CNBD1: variants seen among roughly 807,000 people sequenced by gnomAD.
CNBD1 encodes the protein cyclic nucleotide binding domain containing 1.
Under a neutral mutation model 54.4 loss-of-function variants are expected in CNBD1, and 71 were observed. That is an observed-to-expected ratio of 1.30 (90% CI 1.08 to 1.59). The LOEUF is 1.59. Among genes scored for constraint, CNBD1 ranks in the 40% most tolerant of loss-of-function variants. The probability of loss-of-function intolerance (pLI) is 0.00; values close to 1 mark genes in which losing one functional copy is unlikely to be tolerated. For missense variants in CNBD1, 659 were observed against 518.0 expected, an observed-to-expected ratio of 1.27 and a Z score of -2.64; for synonymous variants, 182 against 170.7, an observed-to-expected ratio of 1.07 and a Z score of -0.51.
intron 6 of CNBD1, among the ~76,000 whole-genome samples, chr8:87,273,489 A>T (rs188885211): frequency 7.9e-5 from 12 of 152,110 alleles, no homozygotes; most frequent in African/African-American, 2.4e-4. Context: ...ACCAATGCAA[A>T]TAGGAGTACT....
chr8:86,911,529 G>A (rs1809099821), intron 3 of CNBD1, among the ~76,000 whole-genome samples: 2 of 152,048 alleles, frequency 1.3e-5, no homozygotes, highest in Admixed American at 1.3e-4. Flanking sequence ...TTTATATTGT[G>A]TATAATAATC....
chr8:87,405,255 G>A (rs1468495569), intron 2 of CNBD1, among the ~76,000 whole-genome samples: 1 of 151,812 alleles, frequency 6.6e-6, no homozygotes, highest in Non-Finnish European at 1.5e-5. Context: ...ATTTCTTAAG[G>A]CCAGTACTTA....
At chr8:87,057,144 G>A (rs1036820742) in intron 4 of CNBD1, among the ~76,000 whole-genome samples, 5 of 152,148 alleles carry the variant, frequency 3.3e-5, no homozygotes, top group East Asian at 1.9e-4. Flanking sequence ...CCATGTATTC[G>A]TTCGTCCTCA....
At chr8:87,101,894 T>C (rs539109587) in intron 4 of CNBD1, among the ~76,000 whole-genome samples, 22 of 151,104 alleles carry the variant, frequency 1.5e-4, no homozygotes, top group Non-Finnish European at 2.7e-4. Context: ...TTTAATTTTT[T>C]TTTTTTTTTT....
chr8:87,110,510 C>T (rs756161716), intron 4 of CNBD1, among the ~76,000 whole-genome samples: 21 of 152,072 alleles, frequency 1.4e-4, no homozygotes, highest in Non-Finnish European at 2.6e-4. Flanking sequence ...ATGGGTGGCA[C>T]GGGTGTAATA....
At chr8:87,284,959 A>G (rs1808664573) in intron 7 of CNBD1, 144 bp downstream of exon 7, 3 of 590,722 alleles carry the variant, frequency 5.1e-6, no homozygotes, top group Admixed American at 6.9e-5. Context: ...TTATTTGACA[A>G]AAATCACTTA....
chr8:86,876,686 A>G (rs1483326602), intron 1 of CNBD1, among the ~76,000 whole-genome samples: 3 of 151,746 alleles, frequency 2.0e-5, no homozygotes, highest in Non-Finnish European at 4.4e-5. Flanking sequence ...TTTTCTTCAG[A>G]GAAATACATA....
At chr8:87,088,573 A>G (rs889391615) in intron 4 of CNBD1, among the ~76,000 whole-genome samples, 1 of 152,174 alleles carries the variant, frequency 6.6e-6, no homozygotes, top group Non-Finnish European at 1.5e-5. Context: ...TAAAATCACA[A>G]TGAAATTGTT....
intron 2 of CNBD1, among the ~76,000 whole-genome samples, chr8:87,412,817 G>T (rs1807770704): frequency 6.6e-6 from 1 of 151,994 alleles, no homozygotes; most frequent in Non-Finnish European, 1.5e-5. Context: ...AGGGAGGTAG[G>T]TTAGGCAGTG....
chr8:87,045,668 T>G (rs1241896668), intron 4 of CNBD1, among the ~76,000 whole-genome samples: 3 of 138,242 alleles, frequency 2.2e-5, no homozygotes, highest in Non-Finnish European at 4.5e-5. Flanking sequence ...GAGCTTGCAG[T>G]GAGCTAAGAT....
At chr8:86,872,450 G>T (rs988817203) in intron 1 of CNBD1, among the ~76,000 whole-genome samples, 1 of 152,142 alleles carries the variant, frequency 6.6e-6, no homozygotes, top group Non-Finnish European at 1.5e-5. Context: ...TATAGAGGCA[G>T]AAGTAGGATT....
intron 6 of CNBD1, among the ~76,000 whole-genome samples, chr8:87,243,358 A>G (rs1469487656): frequency 6.6e-6 from 1 of 152,214 alleles, no homozygotes; most frequent in Non-Finnish European, 1.5e-5. Context: ...TTCTGCATCA[A>G]GTGACTATTG....
At chr8:87,330,231 C>CTTTT (rs3055413) in intron 8 of CNBD1, among the ~76,000 whole-genome samples, 7,515 of 130,642 alleles carry the variant, frequency 0.058, 235 homozygotes, top group Non-Finnish European at 0.065. Flanking sequence ...TTCCTTCTCT[C>CTTTT]TTTTTTTTTT....
chr8:87,033,006 G>A (rs60683893), intron 4 of CNBD1, among the ~76,000 whole-genome samples: 4,564 of 152,198 alleles, frequency 0.03, 236 homozygotes, highest in African/African-American at 0.1. Flanking sequence ...CTCTTTCACA[G>A]TTTCCTTGAT....
intron 2 of CNBD1, among the ~76,000 whole-genome samples, chr8:86,900,878 T>C (rs1336577244): frequency 6.6e-6 from 1 of 152,164 alleles, no homozygotes; most frequent in African/African-American, 2.4e-5. Flanking sequence ...ATCTTTAAAT[T>C]TTCCTTCAGA....
chr8:86,969,793 TAC>T (rs10547170), intron 4 of CNBD1, among the ~76,000 whole-genome samples: 8,713 of 144,384 alleles, frequency 0.06, 583 homozygotes, highest in African/African-American at 0.16. Context: ...TATATATATA[TAC>T]ACACACACAC....
At chr8:87,174,367 G>C (rs1586307361) in intron 4 of CNBD1, among the ~76,000 whole-genome samples, 1 of 152,016 alleles carries the variant, frequency 6.6e-6, no homozygotes, top group African/African-American at 2.4e-5. Context: ...ATAGATTTCT[G>C]ATGCATTCTT....
chr8:86,941,998 A>G (rs1322971285), intron 4 of CNBD1, among the ~76,000 whole-genome samples: 3 of 152,210 alleles, frequency 2.0e-5, no homozygotes, highest in Non-Finnish European at 4.4e-5. Flanking sequence ...TGACATGGCA[A>G]AACTCACTGC....
At chr8:87,050,803 A>G (rs1173865940) in intron 4 of CNBD1, among the ~76,000 whole-genome samples, 2 of 152,142 alleles carry the variant, frequency 1.3e-5, no homozygotes, top group Non-Finnish European at 2.9e-5. Flanking sequence ...CACTCCTAAT[A>G]TTGGATGTTG....
Sources: allele counts gnomAD v4.1 joint callset (sites outside exome capture counted in the v4.1 genomes callset), GRCh38; gene constraint gnomAD v4.1.1; transcripts MANE v1.5; gene names NCBI Gene and HGNC (gene_info 2026-07-23, HGNC 2026-07-21).